HCRTR1: variants seen among roughly 807,000 people sequenced by gnomAD.
The protein encoded by HCRTR1 is orexin/Hypocretin receptor type 1.
Under a neutral mutation model 40.6 loss-of-function variants are expected in HCRTR1, and 28 were observed. The observed-to-expected ratio is 0.69, with a 90% CI of 0.51 to 0.95. HCRTR1 has a LOEUF of 0.95. HCRTR1 is among the 40% of genes least tolerant of loss of function. The probability of loss-of-function intolerance (pLI) is 0.00; values close to 1 mark genes in which losing one functional copy is unlikely to be tolerated. For synonymous variants in HCRTR1, 209 were observed against 230.0 expected (o/e 0.91, Z 0.83); for missense variants, 482 against 564.7 (o/e 0.85, Z 1.48).
chr1:31,619,825 T>A, intron 4 of HCRTR1, 115 bp downstream of exon 4: 1 of 958,308 alleles, frequency 1.0e-6, no homozygotes, highest in Non-Finnish European at 1.5e-6. Context: ...CAGTGGCTCA[T>A]GACCCCTGAA....
downstream of HCRTR1, chr1:31,630,244 C>T (rs761141390): frequency 2.7e-5 from 8 of 292,382 alleles, no homozygotes; most frequent in Non-Finnish European, 4.0e-5. Flanking sequence ...AACACAGGTA[C>T]TAACGGTAAC....
At chr1:31,623,795 G>C (rs1372068434) in intron 7 of HCRTR1, 46 bp downstream of exon 7, 1 of 1,446,840 alleles carries the variant, frequency 6.9e-7, no homozygotes, top group Admixed American at 1.8e-5. Context: ...TTTGAGGTTG[G>C]GGAAGGAGCT....
chr1:31,626,689 C>CAAA lies in HCRTR1; in HGVS notation c.1088-100_1088-99insAAA. 1 of 1,389,276 alleles carries CAAA rather than the reference C, an allele frequency of 7.2e-7. No homozygotes were observed. 86.1% of individuals were successfully genotyped at this position (1,389,276 alleles called of 1,614,324 possible). ...ATCCCTCCCTCCCTCCCCGCCCCCT[C>CAAA]ATAGGCAGCTTGGCTGGAGCTGCGT... On this transcript the variant is annotated intron_variant, in intron 8 of 8. Transcript: ENST00000403528. The surrounding 1 kb of genome is among the most constrained non-coding windows in gnomAD (Gnocchi z 4.6).
chr1:31,633,146 G>A (rs762935847), downstream of HCRTR1: 9 of 1,610,480 alleles, frequency 5.6e-6, no homozygotes, highest in East Asian at 1.1e-4. Flanking sequence ...CCAAGGGCAA[G>A]GCGGAGACTC....
Position 31,626,176 on chromosome 1 carries a change from A to G in HCRTR1, c.1088-614A>G. Among the ~76,000 whole-genome samples the G allele has an allele frequency of 6.6e-6, 1 of 152,182 alleles. No homozygotes were observed. Among genetic ancestry groups the G allele is most frequent in the East Asian group, 1.9e-4 (1 of 5,188 alleles). On this transcript the variant is annotated intron_variant, in intron 8 of 8. Coordinates refer to ENST00000403528, the MANE Select transcript of HCRTR1 (RefSeq NM_001525.3). The surrounding 1 kb of genome is among the most constrained non-coding windows in gnomAD (Gnocchi z 4.6). ...TTTCCCTGGTATACTTGGGCTGAAT[A>G]ATGTGGTGTGGTGGTCCCTCCTTCC...
Position 31,621,572 on chromosome 1 carries a change from C to G in HCRTR1, c.718C>G (p.Arg240Gly). The G allele has an allele frequency of 6.2e-7, 1 of 1,613,424 alleles. No individual in the cohort carries two copies. The highest frequency in any genetic ancestry group is 8.5e-7 in the Non-Finnish European group (1 of 1,179,848). The change falls in exon 6 of 9, where the codon CGC becomes GGC. Residue 240 changes from arginine (R) to glycine (G), a missense_variant. Physicochemically the swap from Arg to Gly is moderately radical, Grantham distance 125 (BLOSUM62 -2). Transcript: ENST00000403528. ...LMAMAYFQIF[R>G]KLWGRQIPGT... ...GGCCATGGCCTATTTCCAGATATTC[C>G]GCAAGCTCTGGGGCCGCCAGGTGAG...
downstream of HCRTR1, chr1:31,633,243 A>G: frequency 6.2e-7 from 1 of 1,614,116 alleles, no homozygotes; most frequent in East Asian, 2.2e-5. Flanking sequence ...ATGGAGATAT[A>G]GCCACTGTGA....
At chr1:31,622,807 C>T (rs1639885613) in intron 6 of HCRTR1, among the ~76,000 whole-genome samples, 1 of 152,180 alleles carries the variant, frequency 6.6e-6, no homozygotes. Flanking sequence ...GCCCAGGCCT[C>T]CTCATAGTCT....
chr1:31,621,637 C>T, intron 6 of HCRTR1, 45 bp downstream of exon 6: 1 of 1,375,746 alleles, frequency 7.3e-7, no homozygotes, highest in Non-Finnish European at 1.0e-6. Flanking sequence ...ACTGTGTGGG[C>T]TGGGGGTGGG....
chr1:31,620,717 C>T (rs759763302), intron 4 of HCRTR1, 126 bp from the exon 5 acceptor site: 17 of 1,246,864 alleles, frequency 1.4e-5, no homozygotes, highest in Middle Eastern at 2.3e-4. Context: ...CCCACATTTA[C>T]ACAGCCAGTA....
Position 31,619,336 on chromosome 1 carries a change from C to T in HCRTR1, c.144C>T (p.Val48=), listed in dbSNP as rs756844396. ...DYLYPKQYEW[V]LIAAYVAVFV... ...TGTACCCAAAACAGTATGAGTGGGT[C>T]CTCATCGCAGCCTATGTGGCTGTGT... Residue 48 remains valine (V), a synonymous_variant, in exon 3 of 9, where the codon GTC becomes GTT. Transcript: ENST00000403528. 9.9e-6 allele frequency: 16 copies of T among 1,614,240 alleles called. No individual in the cohort carries two copies. In the South Asian group the frequency reaches 1.8e-4, roughly 18 times the overall value.
Position 31,625,955 on chromosome 1 carries a change from G to A in HCRTR1, c.1088-835G>A, listed in dbSNP as rs919456806. ...AGAATTACTCAACAAGGCTGGCTGCGGGTTTCCAGGTCAGAAAAGAGAATA... is the reference window on the plus strand; with the variant it reads ...AGAATTACTCAACAAGGCTGGCTGCAGGTTTCCAGGTCAGAAAAGAGAATA... On this transcript the variant is annotated intron_variant, in intron 8 of 8. Coordinates refer to ENST00000403528, the MANE Select transcript of HCRTR1 (RefSeq NM_001525.3). This position sits in a 1 kb window ranked among gnomAD's most constrained non-coding sequence, Gnocchi z 4.2. Among the ~76,000 whole-genome samples, 3 of 152,208 alleles carry A rather than the reference G, an allele frequency of 2.0e-5. No individual in the cohort carries two copies. The highest frequency in any genetic ancestry group is 2.1e-4 in the South Asian group (1 of 4,828).
intron 1 of HCRTR1, chr1:31,618,217 G>A (rs1212249430): frequency 1.3e-5 from 2 of 152,442 alleles, no homozygotes; most frequent in African/African-American, 2.4e-5. Flanking sequence ...CCAGCCGGGG[G>A]AAGGAGGGGC....
At position 31,623,507 on chromosome 1, in the gene HCRTR1, T is replaced by C. The variant is rs746889421; in HGVS notation, c.739-16T>C. On this transcript the variant is annotated splice_polypyrimidine_tract_variant and intron_variant, in intron 6 of 8. Coordinates refer to ENST00000403528, the MANE Select transcript of HCRTR1 (RefSeq NM_001525.3). The stretch of plus-strand genomic sequence containing the variant: ...GTGCTGTACCCACCACTGCTGTCTC[T>C]ATGTGTGCTGGACAGATCCCCGGCA... 12 of 1,604,642 alleles carry C rather than the reference T, an allele frequency of 7.5e-6. No homozygotes were observed. The highest frequency in any genetic ancestry group is 5.1e-5 in the Admixed American group (3 of 59,344).
Position 31,621,585 on chromosome 1 carries a change from GCCGC to G in HCRTR1, c.733_736del (p.Gln246SerfsTer26), listed in dbSNP as rs1287571200. The G allele has an allele frequency of 6.2e-7, 1 of 1,611,576 alleles. No homozygotes were observed. The highest frequency in any genetic ancestry group is 8.5e-7 in the Non-Finnish European group (1 of 1,178,956). Reference sequence around the variant, plus strand: ...TTCCAGATATTCCGCAAGCTCTGGGGCCGCCAGGTGAGGCCCACTCTGGGCAGGG... The same window carrying G: ...TTCCAGATATTCCGCAAGCTCTGGGGCAGGTGAGGCCCACTCTGGGCAGGG... On this transcript the variant is annotated frameshift_variant, in exon 6 of 9. Transcript: ENST00000403528. LOFTEE classifies it high-confidence loss of function.
Position 31,621,472 on chromosome 1 carries a change from T to A in HCRTR1, c.623-5T>A. 1 of 1,604,536 alleles carries A rather than the reference T, an allele frequency of 6.2e-7. No individual in the cohort carries two copies. The highest frequency in any genetic ancestry group is 8.5e-7 in the Non-Finnish European group (1 of 1,171,252). ...GCCTGACTCTGCATCTCTTGACCCC[T>A]GCAGATGACCTCTATCCCAAGATCT... On this transcript the variant is annotated splice_polypyrimidine_tract_variant and splice_region_variant and intron_variant, in intron 5 of 8. Coordinates refer to ENST00000403528, the MANE Select transcript of HCRTR1 (RefSeq NM_001525.3).
At position 31,623,904 on chromosome 1, in the gene HCRTR1, C is replaced by T. The variant is rs535478065; in HGVS notation, c.965+155C>T. Among the ~76,000 whole-genome samples the T allele has an allele frequency of 3.9e-5, 6 of 152,212 alleles. No homozygotes were observed. The South Asian group carries it at 8.3e-4, about 21-fold the overall frequency. ...CTGAGCCTCCATCTCCTAGGGCTATCGTGAAAATTCACGCATTCATTCACT... is the reference window on the plus strand; with the variant it reads ...CTGAGCCTCCATCTCCTAGGGCTATTGTGAAAATTCACGCATTCATTCACT... On this transcript the variant is annotated intron_variant, in intron 7 of 8. Coordinates refer to ENST00000403528, the MANE Select transcript of HCRTR1 (RefSeq NM_001525.3).
chr1:31,626,674 C>CAA lies in HCRTR1; in HGVS notation c.1088-116_1088-115insAA. On this transcript the variant is annotated intron_variant, in intron 8 of 8. Transcript: ENST00000403528. The surrounding 1 kb of genome is among the most constrained non-coding windows in gnomAD (Gnocchi z 4.6). ...CTCCCTCCCAGCTCTATCCCTCCCT[C>CAA]CCTCCCCGCCCCCTCATAGGCAGCT... The CAA allele has an allele frequency of 2.0e-6, 1 of 497,356 alleles. No individual in the cohort carries two copies. The highest frequency in any genetic ancestry group is 4.8e-4 in the Middle Eastern group (1 of 2,074). The allele number at this position is 497,356 out of a possible 1,614,324, so 30.8% of individuals were successfully genotyped here.
rs928897388 is a variant in HCRTR1 at position 31,625,193 on chromosome 1, A to G, written c.1087+75A>G. The G allele has an allele frequency of 1.3e-5, 19 of 1,449,018 alleles. No individual in the cohort carries two copies. The African/African-American group carries it at 2.4e-4, about 18-fold the overall frequency. The allele number at this position is 1,449,018 out of a possible 1,614,324, so 89.8% of individuals were successfully genotyped here. On this transcript the variant is annotated intron_variant, in intron 8 of 8. Coordinates refer to ENST00000403528, the MANE Select transcript of HCRTR1 (RefSeq NM_001525.3). This position sits in a 1 kb window ranked among gnomAD's most constrained non-coding sequence, Gnocchi z 4.2. ...TGACAAGTCTCCCCATCCCCAAGCC[A>G]GGGCCCAAATAAAGGATGGTGGGTG...
Sources: gnomAD v4.1 joint callset for allele counts (sites outside exome capture counted in the v4.1 genomes callset) on GRCh38, gnomAD v4.1.1 for gene constraint, Gnocchi (gnomAD v3.1) non-coding constraint, MANE v1.5 for transcripts, NCBI Gene and HGNC (gene_info 2026-07-23, HGNC 2026-07-21) for gene names.